TNK2: variants seen among roughly 807,000 people sequenced by gnomAD.
The protein encoded by TNK2 is tyrosine kinase non receptor 2.
A neutral mutation model predicts 101.8 loss-of-function variants in TNK2; 83 were observed. The ratio of observed to expected loss-of-function variants is 0.82; its 90% CI spans 0.68 to 0.98. The LOEUF is 0.98. Among genes scored for constraint, TNK2 ranks in the 50% least tolerant of loss-of-function variants. The probability of loss-of-function intolerance (pLI) is 0.00; values close to 1 mark genes in which losing one functional copy is unlikely to be tolerated. For missense variants in TNK2, 1,665 were observed against 1,483.2 expected, an observed-to-expected ratio of 1.12 and a Z score of -2.01; for synonymous variants, 804 against 633.0, an observed-to-expected ratio of 1.27 and a Z score of -4.06.
Position 195,867,818 on chromosome 3 carries a change from C to T in TNK2, c.2480G>A (p.Gly827Glu). 3 of 1,548,188 alleles carry T rather than the reference C, an allele frequency of 1.9e-6. No homozygotes were observed. The highest frequency in any genetic ancestry group is 2.5e-5 in the South Asian group (2 of 80,320). ...PLPPRLSSSP[G>E]KTMPTTQSFA... ...GCTCTGGGTGGTGGGCATGGTCTTC[C>T]CAGGTGAGCTTGAGAGCCGGGGTGG... The change falls in exon 13 of 16, where the codon GGG becomes GAG. Residue 827 changes from glycine to glutamate, a missense_variant. By Grantham distance (98) the Gly-to-Glu change is moderately conservative. Around this residue, in one of 3 missense-constraint regions of TNK2, gnomAD observed 1,136 missense variants for 894.9 expected, o/e 1.27. Coordinates refer to ENST00000672887, the MANE Select transcript of TNK2 (RefSeq NM_001382273.1).
chr3:195,883,557 A>C (rs527761352), intron 4 of TNK2: 4 of 497,644 alleles, frequency 8.0e-6, no homozygotes, highest in Non-Finnish European at 1.5e-5. Context: ...GCCGGGCTTA[A>C]ATACCAACCA....
In TNK2 at chr3:195,888,386, G is replaced by GGGTCA; in HGVS notation, c.163+35_163+39dup. ...TGGTCCTGAGGACAGAGGACGGAAA[G>GGGTCA]GGTCAGGGGCAAGACAAGCCAGGCC... On this transcript the variant is annotated intron_variant, in intron 2 of 15. Coordinates refer to ENST00000672887, the MANE Select transcript of TNK2 (RefSeq NM_001382273.1). This position sits in a 1 kb window ranked among gnomAD's most constrained non-coding sequence, Gnocchi z 5.3. The GGGTCA allele has an allele frequency of 6.3e-7, 1 of 1,597,548 alleles. No homozygotes were observed. Among genetic ancestry groups the GGGTCA allele is most frequent in the East Asian group, 2.2e-5 (1 of 44,586 alleles).
intron 6 of TNK2, among the ~76,000 whole-genome samples, chr3:195,881,540 C>CG: frequency 9.5e-6 from 1 of 105,140 alleles, no homozygotes; most frequent in Non-Finnish European, 1.9e-5. Context: ...TAACACCCCC[C>CG]CCAGCAATGC....
chr3:195,869,985 G>C, intron 11 of TNK2, 129 bp downstream of exon 11: 1 of 731,168 alleles, frequency 1.4e-6, no homozygotes, highest in South Asian at 2.2e-5. Context: ...GGACACAGCT[G>C]TCCCGCCTGC....
intron 1 of TNK2, among the ~76,000 whole-genome samples, chr3:195,898,812 C>T (rs927345762): frequency 1.3e-5 from 2 of 152,084 alleles, no homozygotes; most frequent in South Asian, 2.1e-4. Flanking sequence ...TTAATGTCTG[C>T]GGCTGGGCCC....
intron 2 of TNK2, among the ~76,000 whole-genome samples, chr3:195,887,844 G>GTGTGTGAGTGTC (rs1560527920): frequency 7.1e-6 from 1 of 141,036 alleles, no homozygotes; most frequent in African/African-American, 2.5e-5. Context: ...ACGTGTGTGT[G>GTGTGTGAGTGTC]TGTGTGCGTG....
rs952802891 is a variant in TNK2, at chr3:195,882,801, T to G, written c.609+356A>C. On this transcript the variant is annotated intron_variant, in intron 5 of 15. Transcript: ENST00000672887. This position sits in a 1 kb window ranked among gnomAD's most constrained non-coding sequence, Gnocchi z 4.2. ...TGAACCCAGGAGGCCGAGGTTGCAG[T>G]GAGCCTAGATCATGCCATTGCACTC... Among the ~76,000 whole-genome samples the G allele has an allele frequency of 1.3e-5, 2 of 152,174 alleles. No individual in the cohort carries two copies. Among genetic ancestry groups the G allele is most frequent in the African/African-American group, 2.4e-5 (1 of 41,432 alleles).
At position 195,867,769 on chromosome 3, in the gene TNK2, G is replaced by T. The variant is rs750508068; in HGVS notation, c.2529C>A (p.Ala843=). 1.1e-5 allele frequency: 18 copies of T among 1,585,544 alleles called. No homozygotes were observed. In the African/African-American group the frequency reaches 1.6e-4, roughly 14 times the overall value. ...TQSFASDPKY[A]TPQVIQAPGP... ...CAGGGGCCTGGATCACCTGGGGGGT[G>T]GCGTACTTGGGGTCTGAGGCAAAGC... Residue 843 remains alanine, a synonymous_variant, in exon 13 of 16, where the codon GCC becomes GCA. Coordinates refer to ENST00000672887, the MANE Select transcript of TNK2 (RefSeq NM_001382273.1).
intron 1 of TNK2, among the ~76,000 whole-genome samples, chr3:195,898,952 C>T (rs900223743): frequency 4.6e-5 from 7 of 151,902 alleles, no homozygotes; most frequent in African/African-American, 7.2e-5. Flanking sequence ...AAAAATTAGC[C>T]GGGCGTGGTG....
At chr3:195,901,008 T>C (rs1761148868) in intron 1 of TNK2, among the ~76,000 whole-genome samples, 1 of 152,166 alleles carries the variant, frequency 6.6e-6, no homozygotes, top group African/African-American at 2.4e-5. Flanking sequence ...GAAGTGAACA[T>C]TCAGTCTACA....
rs537081454 is a variant in TNK2 at position 195,879,658 on chromosome 3, A to G, written c.888-483T>C. ...ATACTGGCTTCACCCAAATACACCC[A>G]TTCGTTCTGGGCACCCCCGGTTGAG... On this transcript the variant is annotated intron_variant, in intron 6 of 15. Transcript: ENST00000672887. 4.6e-5 allele frequency among the ~76,000 whole-genome samples: 7 copies of G among 152,266 alleles called. No individual in the cohort carries two copies. The South Asian group carries it at 1.2e-3, about 27-fold the overall frequency.
rs936336707 is a variant in TNK2 at position 195,885,419 on chromosome 3, C to T, written c.235-386G>A. On this transcript the variant is annotated intron_variant, in intron 3 of 15. Coordinates refer to ENST00000672887, the MANE Select transcript of TNK2 (RefSeq NM_001382273.1). The surrounding 1 kb of genome is among the most constrained non-coding windows in gnomAD (Gnocchi z 4.7). The stretch of plus-strand genomic sequence containing the variant: ...CGCAGACTCCAGCCCTAACCCGCAT[C>T]GATGGAGCCGCAGGGGCCCTCCACA... 8 of 1,329,478 alleles carry T rather than the reference C, an allele frequency of 6.0e-6. No homozygotes were observed. In the African/African-American group the frequency reaches 7.4e-5, roughly 12 times the overall value. 82.4% of individuals were successfully genotyped at this position (1,329,478 alleles called of 1,614,324 possible).
At position 195,868,594 on chromosome 3, in the gene TNK2, C is replaced by A; in HGVS notation, c.1704G>T (p.Ala568=). 1.9e-6 allele frequency: 3 copies of A among 1,577,776 alleles called. No homozygotes were observed. Among genetic ancestry groups the A allele is most frequent in the Non-Finnish European group, 2.6e-6 (3 of 1,171,100 alleles). ...PRGLWLAKPS[A]RVPGTKASRG... is the part of the protein sequence containing the mutation. The stretch of plus-strand genomic sequence containing the variant: ...GGCTGGCCTTGGTGCCCGGCACCCG[C>A]GCCGAGGGCTTCGCCAGCCACAGCC... The change falls in exon 13 of 16, where the codon GCG becomes GCT. Residue 568 remains alanine (A), a synonymous_variant. Transcript: ENST00000672887.
intron 11 of TNK2, 35 bp from the exon 12 acceptor site, chr3:195,869,576 A>C: frequency 6.5e-7 from 1 of 1,549,346 alleles, no homozygotes; most frequent in East Asian, 2.4e-5. Context: ...GGGGAGAGAG[A>C]CGGAGCAGGA....
rs549265715 is a variant in TNK2 at position 195,895,337 on chromosome 3, A to AGCAGCGCCC, written c.-18-6740_-18-6732dup. ...CCCAGCGGCTGCGGTCAGGGAGAGA[A>AGCAGCGCCC]GCAGCGCCCGCAGCCCCCGCCCCGC... On this transcript the variant is annotated intron_variant, in intron 1 of 15. Coordinates refer to ENST00000672887, the MANE Select transcript of TNK2 (RefSeq NM_001382273.1). 623 of 1,567,940 alleles carry AGCAGCGCCC rather than the reference A, an allele frequency of 4.0e-4. 7 individuals are homozygous for AGCAGCGCCC. The Admixed American group carries it at 0.011, about 27-fold the overall frequency.
At chr3:195,899,299 T>C (rs1009881917) in intron 1 of TNK2, among the ~76,000 whole-genome samples, 5 of 152,092 alleles carry the variant, frequency 3.3e-5, no homozygotes, top group Non-Finnish European at 7.4e-5. Flanking sequence ...GTAGTAAAAC[T>C]ACACAATAAT....
intron 10 of TNK2, among the ~76,000 whole-genome samples, chr3:195,871,695 GA>G (rs1032103801): frequency 1.3e-5 from 2 of 152,178 alleles, no homozygotes; most frequent in African/African-American, 4.8e-5. Flanking sequence ...TCCATCCTCA[GA>G]AGCTCCTGAC....
chr3:195,889,064 C>T (rs572224477), intron 1 of TNK2, among the ~76,000 whole-genome samples: 5 of 152,176 alleles, frequency 3.3e-5, no homozygotes, highest in East Asian at 3.9e-4. Context: ...TTAGATGTGA[C>T]GGAGAAAACT....
rs781598977 is a variant in TNK2, at chr3:195,867,186, C to T, written c.3016G>A (p.Ala1006Thr). Residue 1006 changes from alanine (A) to threonine (T), a missense_variant, in exon 14 of 16, where the codon GCT becomes ACT. This residue lies in a region of TNK2 where 1,136 missense variants were observed against 894.9 expected (regional missense o/e 1.27). Transcript: ENST00000672887. The stretch of plus-strand genomic sequence containing the variant: ...GGCGGTACCTTCAGATACTGGGCAG[C>T]CCTCTGCACGCTCCAGCCGTGGCAC... ...LQCHGWSVQR[A>T]AQYLKVEQLF... 1.9e-6 allele frequency: 3 copies of T among 1,612,952 alleles called. No homozygotes were observed. The highest frequency in any genetic ancestry group is 1.3e-5 in the African/African-American group (1 of 75,038).
Sources: allele counts gnomAD v4.1 joint callset (sites outside exome capture counted in the v4.1 genomes callset), GRCh38; gene constraint gnomAD v4.1.1; regional missense constraint gnomAD v4.1.1; non-coding constraint Gnocchi (gnomAD v3.1); transcripts MANE v1.5; gene names NCBI Gene and HGNC (gene_info 2026-07-23, HGNC 2026-07-21).